Variants in EEIG1 observed in about 807,000 individuals in gnomAD.
The protein encoded by EEIG1 is early estrogen-induced gene 1 protein.
chr9:127,976,998 G>A, the EEIG1 span, among the ~76,000 whole-genome samples: 1 of 152,114 alleles, frequency 6.6e-6, no homozygotes, highest in Non-Finnish European at 1.5e-5. This position sits in a 1 kb window ranked among gnomAD's most constrained non-coding sequence, Gnocchi z 4.1. Flanking sequence ...AGTCCAGGGT[G>A]GGTGGGGTAC....
chr9:127,949,044 C>T, the EEIG1 span, among the ~76,000 whole-genome samples: 48 of 151,752 alleles, frequency 3.2e-4, 1 homozygote, highest in South Asian at 7.5e-3. Context: ...GGCCGGGTGC[C>T]GTGGCTCACG....
At chr9:127,979,869 C>T in the EEIG1 span, 1 of 1,231,584 alleles carries the variant, frequency 8.1e-7, no homozygotes, top group Non-Finnish European at 1.1e-6. Context: ...CAACCTGCCC[C>T]AGGCACACAG....
At chr9:127,957,732 G>A in the EEIG1 span, among the ~76,000 whole-genome samples, 3 of 152,182 alleles carry the variant, frequency 2.0e-5, no homozygotes, top group African/African-American at 7.2e-5. Context: ...TCAAGAAAAG[G>A]TGGTCCTAGC....
the EEIG1 span, among the ~76,000 whole-genome samples, chr9:127,960,621 C>T: frequency 1.3e-5 from 2 of 152,204 alleles, no homozygotes; most frequent in Non-Finnish European, 1.5e-5. Flanking sequence ...GGAGGCAGCT[C>T]GGTGCTCTGG....
chr9:127,949,307 G>C, the EEIG1 span, among the ~76,000 whole-genome samples: 3 of 78,338 alleles, frequency 3.8e-5, no homozygotes, highest in East Asian at 9.5e-4. Flanking sequence ...GCGAGACTCT[G>C]TCTCAAAAAA....
the EEIG1 span, among the ~76,000 whole-genome samples, chr9:127,958,880 T>C: frequency 6.6e-6 from 1 of 152,002 alleles, no homozygotes; most frequent in African/African-American, 2.4e-5. Flanking sequence ...AATAGACATT[T>C]CTCCAAAGAA....
At chr9:127,975,572 G>A in the EEIG1 span, among the ~76,000 whole-genome samples, 4 of 152,100 alleles carry the variant, frequency 2.6e-5, no homozygotes, top group Non-Finnish European at 5.9e-5. Context: ...ACTCAGCTAC[G>A]CCATCAGCTC....
the EEIG1 span, chr9:127,980,274 C>T: frequency 2.9e-6 from 3 of 1,045,498 alleles, no homozygotes; most frequent in Admixed American, 2.6e-5. Context: ...CGGCGGAGAT[C>T]GGAGTCCGGG....
chr9:127,956,237 C>A, the EEIG1 span, among the ~76,000 whole-genome samples: 1 of 152,164 alleles, frequency 6.6e-6, no homozygotes, highest in East Asian at 1.9e-4. Context: ...CTGTTCTAGG[C>A]ACTCGAACCA....
At chr9:127,944,859 C>G in the EEIG1 span, 1 of 1,612,620 alleles carries the variant, frequency 6.2e-7, no homozygotes. Context: ...GCGTGTCGTC[C>G]ACCCAGGTCG....
the EEIG1 span, among the ~76,000 whole-genome samples, chr9:127,965,221 C>T: frequency 1.3e-5 from 2 of 151,356 alleles, no homozygotes; most frequent in African/African-American, 4.9e-5. Context: ...CCACAGACTC[C>T]GCAGGACAGG....
chr9:127,973,368 G>A, the EEIG1 span, among the ~76,000 whole-genome samples: 3 of 152,196 alleles, frequency 2.0e-5, no homozygotes, highest in Non-Finnish European at 4.4e-5. This position sits in a 1 kb window ranked among gnomAD's most constrained non-coding sequence, Gnocchi z 4.2. Flanking sequence ...CCCTGGACAA[G>A]CAGGGCCCTC....
chr9:127,953,023 G>A, the EEIG1 span, among the ~76,000 whole-genome samples: 1 of 152,204 alleles, frequency 6.6e-6, no homozygotes, highest in African/African-American at 2.4e-5. Context: ...AGCCGTACTC[G>A]GGAGGCTGAG....
At chr9:127,943,184 C>G in the EEIG1 span, 1 of 1,614,048 alleles carries the variant, frequency 6.2e-7, no homozygotes, top group Non-Finnish European at 8.5e-7. Context: ...AGCCCGGACA[C>G]CTGCTCCTCA....
chr9:127,977,483 A>G, the EEIG1 span, among the ~76,000 whole-genome samples: 3 of 152,086 alleles, frequency 2.0e-5, no homozygotes, highest in Non-Finnish European at 4.4e-5. Context: ...ATATTCCTCA[A>G]TGGGATCCAA....
the EEIG1 span, among the ~76,000 whole-genome samples, chr9:127,977,630 C>T: frequency 4.3e-4 from 66 of 152,294 alleles, no homozygotes; most frequent in African/African-American, 1.5e-3. Flanking sequence ...ATAACTGCTG[C>T]GGCAGTGTGC....
At chr9:127,959,612 ATGAG>A in the EEIG1 span, among the ~76,000 whole-genome samples, 6 of 152,284 alleles carry the variant, frequency 3.9e-5, no homozygotes, top group Non-Finnish European at 5.9e-5. Context: ...TGCTGTTAAC[ATGAG>A]TGAGTGAGTT....
chr9:127,978,572 G>A, the EEIG1 span, among the ~76,000 whole-genome samples: 3 of 134,086 alleles, frequency 2.2e-5, no homozygotes. Context: ...GCTCACACTT[G>A]TAATCCCAGC....
At chr9:127,978,188 A>T in the EEIG1 span, among the ~76,000 whole-genome samples, 19 of 152,108 alleles carry the variant, frequency 1.2e-4, no homozygotes, top group Non-Finnish European at 1.9e-4. Flanking sequence ...CCCTGTCCAC[A>T]CCGGAGATTC....
Sources: gnomAD v4.1 joint callset for allele counts (sites outside exome capture counted in the v4.1 genomes callset) on GRCh38, gnomAD v4.1.1 for gene constraint, Gnocchi (gnomAD v3.1) non-coding constraint, MANE v1.5 for transcripts, NCBI Gene and HGNC (gene_info 2026-07-23, HGNC 2026-07-21) for gene names.